SIMC1: variants seen among roughly 807,000 people sequenced by gnomAD.
SIMC1 encodes SUMO-interacting motif-containing protein 1.
SIMC1 carries 55 observed loss-of-function variants against 82.3 expected under a neutral mutation model. The observed-to-expected ratio is 0.67, with a 90% confidence interval of 0.54 to 0.84. SIMC1 has a LOEUF of 0.84. SIMC1 is among the 40% of genes least tolerant of loss of function. The probability of loss-of-function intolerance (pLI) is 0.00; values close to 1 mark genes in which losing one functional copy is unlikely to be tolerated. For missense variants in SIMC1, 915 were observed against 1,107.2 expected (o/e 0.83, Z 2.46); for synonymous variants, 353 against 426.3 (o/e 0.83, Z 2.12).
At chr5:176,327,525 C>T (rs1210273758) in intron 7 of SIMC1, among the ~76,000 whole-genome samples, 3 of 152,178 alleles carry the variant, frequency 2.0e-5, no homozygotes, top group Non-Finnish European at 1.5e-5. Context: ...TACACAATCA[C>T]GTTGTCTAAA....
intron 5 of SIMC1, among the ~76,000 whole-genome samples, chr5:176,320,785 T>C (rs1173163640): frequency 2.6e-5 from 4 of 152,082 alleles, no homozygotes; most frequent in African/African-American, 2.4e-5. Context: ...ATAGGATAGC[T>C]CTTCTCTGCT....
At chr5:176,323,713 G>A (rs1400727180) in intron 6 of SIMC1, among the ~76,000 whole-genome samples, 1 of 152,046 alleles carries the variant, frequency 6.6e-6, no homozygotes, top group Non-Finnish European at 1.5e-5. Context: ...GTTGCCGGGC[G>A]TGGTGGCTCA....
At chr5:176,276,286 G>A (rs1762690613) in intron 1 of SIMC1, among the ~76,000 whole-genome samples, 1 of 151,390 alleles carries the variant, frequency 6.6e-6, no homozygotes, top group South Asian at 2.1e-4. Flanking sequence ...TTCTCTGATG[G>A]TAGTTTGTAT....
intron 4 of SIMC1, chr5:176,308,091 A>G: frequency 6.6e-6 from 5 of 756,130 alleles, no homozygotes; most frequent in Non-Finnish European, 9.6e-6. Context: ...CAGGCGGTGC[A>G]GGCAGTTCAT....
rs1400493318 is a variant in SIMC1, at chr5:176,337,047, T to C, written c.2329-15T>C. On this transcript the variant is annotated splice_polypyrimidine_tract_variant and intron_variant, in intron 8 of 9. Coordinates refer to ENST00000429602, the MANE Select transcript of SIMC1 (RefSeq NM_001308195.2). ...GGAAGGCATTTATTATCAATCCATT[T>C]TACTATCTCTGCAGTCAGATAAAAG... 1 of 1,613,058 alleles carries C rather than the reference T, an allele frequency of 6.2e-7. No individual in the cohort carries two copies. Among genetic ancestry groups the C allele is most frequent in the African/African-American group, 1.3e-5 (1 of 75,010 alleles).
intron 1 of SIMC1, among the ~76,000 whole-genome samples, chr5:176,277,102 A>G (rs1762742056): frequency 6.6e-6 from 1 of 151,854 alleles, no homozygotes. Context: ...CATCCTCTCC[A>G]GCACCTGTCG....
intron 1 of SIMC1, among the ~76,000 whole-genome samples, chr5:176,264,106 C>T (rs4046122): frequency 1.3e-5 from 2 of 152,378 alleles, no homozygotes; most frequent in East Asian, 3.9e-4. Context: ...AGGCCTTGGG[C>T]AGCCCCACCC....
intron 4 of SIMC1, among the ~76,000 whole-genome samples, chr5:176,305,608 C>T (rs1468987804): frequency 7.0e-6 from 1 of 143,430 alleles, no homozygotes; most frequent in African/African-American, 2.6e-5. Flanking sequence ...CCCGGCCAAC[C>T]CCCCCGTCTG....
chr5:176,310,162 A>C (rs1236817534), intron 4 of SIMC1, among the ~76,000 whole-genome samples: 2 of 152,202 alleles, frequency 1.3e-5, no homozygotes, highest in Admixed American at 6.5e-5. Context: ...ACCAAATACT[A>C]ATGAGGATAC....
intron 4 of SIMC1, among the ~76,000 whole-genome samples, chr5:176,309,566 G>A (rs1336296364): frequency 2.6e-5 from 4 of 152,166 alleles, no homozygotes; most frequent in Non-Finnish European, 4.4e-5. Context: ...TTAAGAAGAG[G>A]AAAAGATAAA....
chr5:176,256,682 A>C (rs1488470056), intron 1 of SIMC1, among the ~76,000 whole-genome samples: 1 of 152,240 alleles, frequency 6.6e-6, no homozygotes, highest in Non-Finnish European at 1.5e-5. Flanking sequence ...TCCACATATT[A>C]GATTATAAAA....
intron 3 of SIMC1, 134 bp from the exon 4 acceptor site, chr5:176,296,117 G>A (rs1284560407): frequency 6.8e-7 from 1 of 1,465,520 alleles, no homozygotes; most frequent in East Asian, 2.4e-5. Context: ...GACATGGTAT[G>A]ATACCAGAAA....
intron 7 of SIMC1, among the ~76,000 whole-genome samples, chr5:176,328,278 T>TA (rs987087847): frequency 2.6e-5 from 4 of 151,890 alleles, no homozygotes; most frequent in Admixed American, 2.0e-4. Flanking sequence ...TATCTTTTTG[T>TA]AAAAAAATGA....
At chr5:176,246,407 GGTGTGTGT>G (rs57262987) in intron 1 of SIMC1, among the ~76,000 whole-genome samples, 54 of 137,058 alleles carry the variant, frequency 3.9e-4, no homozygotes, top group South Asian at 1.7e-3. Flanking sequence ...ATAGTTCAGG[GGTGTGTGT>G]GTGTGTGTGT....
chr5:176,342,834 A>G (rs141707823), intron 9 of SIMC1, among the ~76,000 whole-genome samples: 2 of 152,346 alleles, frequency 1.3e-5, no homozygotes, highest in Non-Finnish European at 2.9e-5. Context: ...GCCACAAACT[A>G]TAATCAATAT....
intron 1 of SIMC1, among the ~76,000 whole-genome samples, chr5:176,266,503 G>T (rs2650268): frequency 0.51 from 74,818 of 147,170 alleles, 14,284 homozygotes; most frequent in African/African-American, 0.55. Context: ...CCTATATTGT[G>T]CAAGGGAGAC....
intron 7 of SIMC1, among the ~76,000 whole-genome samples, chr5:176,326,510 G>A (rs1246030460): frequency 6.6e-6 from 1 of 151,884 alleles, no homozygotes; most frequent in Non-Finnish European, 1.5e-5. Flanking sequence ...TGGGATTACA[G>A]GCATGAGCCA....
At chr5:176,341,422 C>T (rs1766138576) in intron 9 of SIMC1, among the ~76,000 whole-genome samples, 1 of 152,202 alleles carries the variant, frequency 6.6e-6, no homozygotes, top group Non-Finnish European at 1.5e-5. Flanking sequence ...CAGAGTGAAG[C>T]CATCAAAGTG....
intron 1 of SIMC1, among the ~76,000 whole-genome samples, chr5:176,279,207 A>G (rs1762864275): frequency 6.6e-6 from 1 of 151,996 alleles, no homozygotes; most frequent in African/African-American, 2.4e-5. Flanking sequence ...GAATTTATCC[A>G]TTTCTTCTAG....
Sources: gnomAD v4.1 joint callset for allele counts (sites outside exome capture counted in the v4.1 genomes callset) on GRCh38, gnomAD v4.1.1 for gene constraint, MANE v1.5 for transcripts, NCBI Gene and HGNC (gene_info 2026-07-23, HGNC 2026-07-21) for gene names.